The following MAD2L2 variants were observed in gnomAD, a reference collection of about 807,000 sequenced individuals.
The protein encoded by MAD2L2 is mitotic arrest deficient 2 like 2.
In MAD2L2, 17 loss-of-function variants were observed where a neutral mutation model predicts 30.5. The ratio of observed to expected loss-of-function variants is 0.56; its 90% CI spans 0.38 to 0.84. The LOEUF is 0.84. Among genes scored for constraint, MAD2L2 ranks in the 40% least tolerant of loss-of-function variants. MAD2L2 has a pLI of 0.00. For synonymous variants in MAD2L2, 101 were observed against 113.9 expected, an observed-to-expected ratio of 0.89 and a Z score of 0.72; for missense variants, 213 against 277.4, an observed-to-expected ratio of 0.77 and a Z score of 1.65.
upstream of MAD2L2, among the ~76,000 whole-genome samples, chr1:11,684,161 G>T (rs12723707): frequency 0.16 from 23,407 of 150,726 alleles, 2,260 homozygotes; most frequent in Admixed American, 0.22. Context: ...ATGGCCTCAG[G>T]TTCCATGGGG....
At position 11,680,397 on chromosome 1, in the gene MAD2L2, C is replaced by T. The variant is rs146185443; in HGVS notation, c.115G>A (p.Val39Met). ...LILYVREVYPVGIFQKRKKYN... is the reference protein window; with the variant it reads ...LILYVREVYPMGIFQKRKKYN... ...TTCTTGCGTTTCTGGAAGATGCCCACGGGGTAGACCTCGCGCACGTAGAGG... is the reference window on the plus strand; with the variant it reads ...TTCTTGCGTTTCTGGAAGATGCCCATGGGGTAGACCTCGCGCACGTAGAGG... The change falls in exon 3 of 9, where the codon GTG (valine) becomes ATG (methionine). Residue 39 changes from valine (V) to methionine (M), a missense_variant. Coordinates refer to ENST00000376692, the MANE Select transcript of MAD2L2 (RefSeq NM_006341.4). 7.4e-6 allele frequency: 12 copies of T among 1,614,002 alleles called. No individual in the cohort carries two copies. The highest frequency in any genetic ancestry group is 1.0e-5 in the Non-Finnish European group (12 of 1,179,968).
chr1:11,687,957 T>C lies in MAD2L2; in HGVS notation c.-692+3456A>G, dbSNP rs141102155. 4.7e-4 allele frequency among the ~76,000 whole-genome samples: 72 copies of C among 152,288 alleles called. No homozygotes were observed. The highest frequency in any genetic ancestry group is 1.7e-3 in the African/African-American group (70 of 41,560). On this transcript the variant is annotated intron_variant, in intron 1 of 10. Transcript: ENST00000235310. The surrounding 1 kb of genome is among the most constrained non-coding windows in gnomAD (Gnocchi z 4.1). Reference sequence around the variant, plus strand: ...GGCCCTAAAGTCATCATAAACTGGATGGGATAGGAGTCCAGGCCTCTCCTA... The same window carrying C: ...GGCCCTAAAGTCATCATAAACTGGACGGGATAGGAGTCCAGGCCTCTCCTA...
rs765159021 is a variant in MAD2L2 at position 11,680,401 on chromosome 1, G to A, written c.111C>T (p.Tyr37=). ...VHLILYVREV[Y]PVGIFQKRKK... Reference sequence around the variant, plus strand: ...TGCGTTTCTGGAAGATGCCCACGGGGTAGACCTCGCGCACGTAGAGGATGA... The same window carrying A: ...TGCGTTTCTGGAAGATGCCCACGGGATAGACCTCGCGCACGTAGAGGATGA... The change falls in exon 3 of 9, where the codon TAC becomes TAT. Residue 37 remains tyrosine (Y), a synonymous_variant. Transcript: ENST00000376692. 6.2e-7 allele frequency: 1 copy of A among 1,614,002 alleles called. No homozygotes were observed. The highest frequency in any genetic ancestry group is 1.1e-5 in the South Asian group (1 of 91,078).
chr1:11,674,644 G>T lies in MAD2L2; in HGVS notation c.*131C>A. On this transcript the variant is annotated 3_prime_UTR_variant, in exon 9 of 9. Coordinates refer to ENST00000376692, the MANE Select transcript of MAD2L2 (RefSeq NM_006341.4). The surrounding 1 kb of genome is among the most constrained non-coding windows in gnomAD (Gnocchi z 6.1). ...CTCCAAGCAGACCTGAGCGGCCCCG[G>T]GCTGGGGCGGGCGATCCACACACAG... 1 of 982,202 alleles carries T rather than the reference G, an allele frequency of 1.0e-6. No homozygotes were observed. Among genetic ancestry groups the T allele is most frequent in the South Asian group, 1.5e-5 (1 of 68,462 alleles). 60.8% of individuals were successfully genotyped at this position (982,202 alleles called of 1,614,324 possible).
chr1:11,679,995 T>TTG lies in MAD2L2; in HGVS notation c.159+357_159+358insCA, dbSNP rs1640841757. Reference sequence around the variant, plus strand: ...CCCGAAGTGGAAGAGGTTTTTTTTTTTTTTTTTTTTTTTTTTTGAGACGGA... The same window carrying TTG: ...CCCGAAGTGGAAGAGGTTTTTTTTTTTGTTTTTTTTTTTTTTTTTGAGACGGA... On this transcript the variant is annotated intron_variant, in intron 3 of 8. Transcript: ENST00000376692. Among the ~76,000 whole-genome samples, 5 of 90,252 alleles carry TTG rather than the reference T, an allele frequency of 5.5e-5. 1 individual carries two copies. Among genetic ancestry groups the TTG allele is most frequent in the African/African-American group, 2.0e-4 (5 of 25,558 alleles). 59.2% of individuals were successfully genotyped at this position (90,252 alleles called of 152,430 possible). A position where few individuals can be genotyped will look rare whatever the true frequency, so the allele number is the denominator to read the frequency against.
intron 3 of MAD2L2, among the ~76,000 whole-genome samples, chr1:11,679,797 G>T (rs925021330): frequency 9.2e-5 from 14 of 152,066 alleles, no homozygotes; most frequent in African/African-American, 3.4e-4. Flanking sequence ...AAAGTGCTGG[G>T]ATTACAGGTG....
At chr1:11,677,065 G>C in intron 4 of MAD2L2, 117 bp from the exon 5 acceptor site, 1 of 790,840 alleles carries the variant, frequency 1.3e-6, no homozygotes, top group Non-Finnish European at 2.1e-6. Flanking sequence ...GCCCTGCTCA[G>C]CTGCTAGGCT....
At chr1:11,679,985 GTTTTTTTTT>G (rs70983583) in intron 3 of MAD2L2, among the ~76,000 whole-genome samples, 31 of 87,628 alleles carry the variant, frequency 3.5e-4, no homozygotes, top group Admixed American at 6.3e-4. Context: ...AGTGGAAGAG[GTTTTTTTTT>G]TTTTTTTTTT....
At chr1:11,677,972 G>A (rs927508738) in intron 3 of MAD2L2, among the ~76,000 whole-genome samples, 4 of 149,238 alleles carry the variant, frequency 2.7e-5, no homozygotes, top group African/African-American at 7.4e-5. Flanking sequence ...CAAAAGAATC[G>A]CTTGAACCCG....
At position 11,674,788 on chromosome 1, in the gene MAD2L2, TGA is replaced by T. The variant is rs1557677295; in HGVS notation, c.621_622del (p.His208Ter). The T allele has an allele frequency of 6.2e-7, 1 of 1,613,724 alleles. No homozygotes were observed. The highest frequency in any genetic ancestry group is 2.2e-5 in the East Asian group (1 of 44,866). ...GCAGGTGCCCCCTCAGCTGCCTTTATGAGCGCGCTCTTCCACGTAAAGCTGCA... is the reference window on the plus strand; with the variant it reads ...GCAGGTGCCCCCTCAGCTGCCTTTATGCGCGCTCTTCCACGTAAAGCTGCA... On this transcript the variant is annotated frameshift_variant, in exon 9 of 9. Transcript: ENST00000376692. LOFTEE classifies it high-confidence loss of function. This position sits in a 1 kb window ranked among gnomAD's most constrained non-coding sequence, Gnocchi z 6.1.
In MAD2L2 at chr1:11,675,139, G is replaced by A. The variant is rs1304537564; in HGVS notation, c.537C>T (p.Val179=). 5 of 1,604,538 alleles carry A rather than the reference G, an allele frequency of 3.1e-6. No homozygotes were observed. The highest frequency in any genetic ancestry group is 3.4e-6 in the Non-Finnish European group (4 of 1,174,996). The change falls in exon 8 of 9, where the codon GTC becomes GTT. Residue 179 remains valine (V), a synonymous_variant. Coordinates refer to ENST00000376692, the MANE Select transcript of MAD2L2 (RefSeq NM_006341.4). ...FPWILADEQD[V]HMHDPRLIPL... is the part of the protein sequence containing the mutation. ...GTATCAGCCGGGGGTCATGCATGTG[G>A]ACATCCTGCTCATCCGCCAGGATCC...
chr1:11,675,544 C>A, intron 7 of MAD2L2, 114 bp downstream of exon 7: 1 of 1,027,880 alleles, frequency 9.7e-7, no homozygotes, highest in Non-Finnish European at 1.5e-6. Context: ...GGGTGCCAGG[C>A]GCTGCCACAC....
At chr1:11,680,811 T>C (rs548159460) in intron 1 of MAD2L2, 198 bp from the exon 2 acceptor site, 2 of 1,252,014 alleles carry the variant, frequency 1.6e-6, no homozygotes, top group South Asian at 5.5e-5. Context: ...CTCTATCCAC[T>C]GGCCGCCCGC....
At position 11,674,923 on chromosome 1, in the gene MAD2L2, G is replaced by A. The variant is rs935055589; in HGVS notation, c.595-107C>T. ...AGACCTCCACCACAGGTGGGGCCTC[G>A]TGGCCATAGCCATGGTGGAGAAGAG... On this transcript the variant is annotated intron_variant, in intron 8 of 8. Transcript: ENST00000376692. The surrounding 1 kb of genome is among the most constrained non-coding windows in gnomAD (Gnocchi z 6.1). The A allele has an allele frequency of 1.3e-5, 18 of 1,408,882 alleles. No individual in the cohort carries two copies. The highest frequency in any genetic ancestry group is 2.4e-5 in the South Asian group (2 of 84,906). 87.3% of individuals were successfully genotyped at this position (1,408,882 alleles called of 1,614,324 possible).
At position 11,680,851 on chromosome 1, in the gene MAD2L2, G is replaced by A. The variant is rs2272980; in HGVS notation, c.-13+188C>T. The A allele has an allele frequency of 1.4e-3, 1,615 of 1,167,714 alleles. 24 individuals carry two copies. The Admixed American group carries it at 0.028, about 20-fold the overall frequency. 72.3% of individuals were successfully genotyped at this position (1,167,714 alleles called of 1,614,324 possible). A position where few individuals can be genotyped will look rare whatever the true frequency, so the allele number is the denominator to read the frequency against. ...CCTCGCCCCGCTGTCTCGCGGGGTGGAAAGACCACAGCTGTGCCCCCGAAA... is the reference window on the plus strand; with the variant it reads ...CCTCGCCCCGCTGTCTCGCGGGGTGAAAAGACCACAGCTGTGCCCCCGAAA... On this transcript the variant is annotated intron_variant, in intron 1 of 8. Transcript: ENST00000376692.
chr1:11,679,619 C>T (rs991056844), intron 3 of MAD2L2, among the ~76,000 whole-genome samples: 10 of 148,852 alleles, frequency 6.7e-5, no homozygotes, highest in Middle Eastern at 3.4e-3. Flanking sequence ...CTCTGCATCC[C>T]GGGTTCAAGC....
chr1:11,680,829 C>T (rs1231218222), intron 1 of MAD2L2: 2 of 1,258,668 alleles, frequency 1.6e-6, no homozygotes, highest in Admixed American at 4.0e-5. Flanking sequence ...CGCGCCCCCT[C>T]GCCCCGCTGT....
chr1:11,676,970 C>G (rs1305900583), intron 4 of MAD2L2, 22 bp from the exon 5 acceptor site: 12 of 1,584,866 alleles, frequency 7.6e-6, no homozygotes, highest in Non-Finnish European at 8.7e-6. Flanking sequence ...GGAACCCCCA[C>G]TGCAGAGCCA....
intron 3 of MAD2L2, among the ~76,000 whole-genome samples, chr1:11,677,915 G>A (rs1034967657): frequency 2.5e-4 from 37 of 149,776 alleles, no homozygotes; most frequent in African/African-American, 7.1e-4. Context: ...AAAATTAGCC[G>A]GGCATGGTGG....
Sources: allele counts gnomAD v4.1 joint callset (sites outside exome capture counted in the v4.1 genomes callset), GRCh38; gene constraint gnomAD v4.1.1; non-coding constraint Gnocchi (gnomAD v3.1); transcripts MANE v1.5; gene names NCBI Gene and HGNC (gene_info 2026-07-23, HGNC 2026-07-21).